Variants in WDR47 observed in about 807,000 individuals in gnomAD.
WDR47 encodes WD repeat-containing protein 47.
In WDR47, 32 loss-of-function variants were observed where a neutral mutation model predicts 97.2. The ratio of observed to expected loss-of-function variants is 0.33; its 90% CI spans 0.25 to 0.44. The LOEUF (loss-of-function observed/expected upper bound fraction) is 0.44. WDR47 is among the 20% of genes least tolerant of loss of function. The probability of loss-of-function intolerance (pLI) is 1.00; values close to 1 mark genes in which losing one functional copy is unlikely to be tolerated. For missense variants in WDR47, 782 were observed against 1,102.3 expected (o/e 0.71, Z 4.11); for synonymous variants, 375 against 373.5 (o/e 1.00, Z -0.05).
intron 13 of WDR47, among the ~76,000 whole-genome samples, chr1:108,981,055 G>A (rs1658300563): frequency 6.6e-6 from 1 of 151,244 alleles, no homozygotes; most frequent in Non-Finnish European, 1.5e-5. Flanking sequence ...GTGAACCCAG[G>A]AGGCAGAGCT....
chr1:109,005,209 C>G (rs1235219207), intron 5 of WDR47, among the ~76,000 whole-genome samples: 1 of 151,952 alleles, frequency 6.6e-6, no homozygotes, highest in African/African-American at 2.4e-5. Context: ...CAAGACCAAC[C>G]TGGGTAACAT....
intron 7 of WDR47, among the ~76,000 whole-genome samples, chr1:108,997,386 T>G (rs1571182198): frequency 6.9e-6 from 1 of 144,008 alleles, no homozygotes; most frequent in Middle Eastern, 3.7e-3. Context: ...AAGGCTGCAA[T>G]GGGCCGTGAT....
chr1:109,017,566 AG>A lies in WDR47; in HGVS notation c.193del (p.Leu65PhefsTer7). 1 of 1,612,722 alleles carries A rather than the reference AG, an allele frequency of 6.2e-7. No homozygotes were observed. The highest frequency in any genetic ancestry group is 8.5e-7 in the Non-Finnish European group (1 of 1,179,772). On this transcript the variant is annotated frameshift_variant, in exon 3 of 15. Coordinates refer to ENST00000369962, the MANE Select transcript of WDR47 (RefSeq NM_001142551.2). LOFTEE classifies it high-confidence loss of function. ...ACATTCTAGAGGCTGAATGAACTGA[AG>A]AACTTCATCCCATTGACCATCAAGT... ...LILDGQWDEVLQFIQPLECME... is the reference protein window; with the variant it reads ...LILDGQWDEVXQFIQPLECME...
chr1:109,002,952 G>A (rs965090077), intron 6 of WDR47, among the ~76,000 whole-genome samples: 12 of 152,104 alleles, frequency 7.9e-5, no homozygotes, highest in African/African-American at 2.9e-4. Context: ...ACTAAAAGTA[G>A]ATCTACCATT....
At chr1:109,033,312 C>CA (rs894588876) in intron 1 of WDR47, among the ~76,000 whole-genome samples, 3 of 151,228 alleles carry the variant, frequency 2.0e-5, no homozygotes, top group East Asian at 1.9e-4. Context: ...AAAACAAAAA[C>CA]AAAAAAAAGC....
intron 6 of WDR47, 61 bp from the exon 7 acceptor site, chr1:109,002,463 CA>C: frequency 7.9e-7 from 1 of 1,265,314 alleles, no homozygotes; most frequent in South Asian, 1.7e-5. Context: ...TATATCTTAA[CA>C]GTACCTTTTA....
At chr1:109,032,714 T>A (rs1662686347) in intron 1 of WDR47, among the ~76,000 whole-genome samples, 1 of 151,280 alleles carries the variant, frequency 6.6e-6, no homozygotes, top group African/African-American at 2.4e-5. Context: ...CTGGCCAACG[T>A]GGCAAAACCC....
intron 2 of WDR47, among the ~76,000 whole-genome samples, chr1:109,020,306 AGCTCACTGCAAGCTCACGATCTCG>A (rs1387951197): frequency 2.0e-5 from 3 of 149,724 alleles, no homozygotes; most frequent in Non-Finnish European, 4.4e-5. Flanking sequence ...GCACGATCTC[AGCTCACTGCAAGCTCACGATCTCG>A]GCTCACTGCA....
chr1:108,982,375 A>C (rs1658407915), intron 12 of WDR47, among the ~76,000 whole-genome samples: 2 of 151,988 alleles, frequency 1.3e-5, no homozygotes, highest in South Asian at 2.1e-4. Context: ...TCTACAAAAA[A>C]ATTTTAAACT....
At chr1:109,038,535 C>G (rs2102066216) in intron 1 of WDR47, among the ~76,000 whole-genome samples, 1 of 151,962 alleles carries the variant, frequency 6.6e-6, no homozygotes, top group South Asian at 2.1e-4. Context: ...AAAAATTAGC[C>G]AGGTGTGGTG....
intron 2 of WDR47, 130 bp from the exon 3 acceptor site, chr1:109,017,731 C>T (rs931242068): frequency 1.4e-6 from 1 of 736,300 alleles, no homozygotes; most frequent in Admixed American, 3.5e-5. Context: ...TATTTGATTC[C>T]TCAAATAAAT....
intron 1 of WDR47, among the ~76,000 whole-genome samples, chr1:109,038,571 C>T (rs905428554): frequency 1.3e-5 from 2 of 151,034 alleles, no homozygotes; most frequent in Admixed American, 6.6e-5. Context: ...CCTAGCTACT[C>T]GGGAGGCTGA....
At chr1:108,997,204 T>C (rs1380991353) in intron 7 of WDR47, among the ~76,000 whole-genome samples, 1 of 151,144 alleles carries the variant, frequency 6.6e-6, no homozygotes, top group Non-Finnish European at 1.5e-5. Flanking sequence ...GGCAGAAGGA[T>C]TGCTTGAGCT....
chr1:109,011,175 GTT>G lies in WDR47; in HGVS notation c.869_870del (p.Lys290ThrfsTer16). 6.2e-7 allele frequency: 1 copy of G among 1,614,168 alleles called. No homozygotes were observed. Among genetic ancestry groups the G allele is most frequent in the Non-Finnish European group, 8.5e-7 (1 of 1,180,044 alleles). ...YADLLTPLIS[K>X]LSPYPSSPMR... ...ATTGGGGATGATGGATAGGGAGAGA[GTT>G]TGCTGATAAGAGGAGTCAAAAGATC... On this transcript the variant is annotated frameshift_variant, in exon 5 of 15. Transcript: ENST00000369962. LOFTEE classifies it high-confidence loss of function.
chr1:109,012,769 T>C (rs948975090), intron 4 of WDR47, among the ~76,000 whole-genome samples: 2 of 152,062 alleles, frequency 1.3e-5, no homozygotes, highest in Admixed American at 6.6e-5. Flanking sequence ...ATCTTACATA[T>C]GGGAAAAGTC....
chr1:109,015,422 C>G (rs993151018), intron 3 of WDR47, among the ~76,000 whole-genome samples: 1 of 152,060 alleles, frequency 6.6e-6, no homozygotes, highest in Non-Finnish European at 1.5e-5. Flanking sequence ...CTCCCAGTTT[C>G]AAGTGATTCT....
intron 9 of WDR47, among the ~76,000 whole-genome samples, chr1:108,988,222 T>G (rs1221213985): frequency 3.6e-4 from 20 of 54,994 alleles, no homozygotes; most frequent in African/African-American, 7.9e-4. Flanking sequence ...GAGGGGGAGA[T>G]AGGAAGGGGG....
In WDR47 at chr1:108,983,385, A is replaced by C; in HGVS notation, c.1992T>G (p.Ile664Met). 1 of 1,612,844 alleles carries C rather than the reference A, an allele frequency of 6.2e-7. No individual in the cohort carries two copies. ...CACAAGGACTCCAGGCCACACAGTA[A>C]ATGGATCCTTTATGATGTTTATTCC... ...FKRNKHHKGS[I>M]YCVAWSPCGQ... The change falls in exon 11 of 15, where the codon ATT (isoleucine) becomes ATG (methionine). Residue 664 changes from isoleucine to methionine, a missense_variant. By Grantham distance (10) the Ile-to-Met change is conservative. This residue lies in a region of WDR47 where 228 missense variants were observed against 396.7 expected (regional missense o/e 0.57). Transcript: ENST00000369962.
intron 5 of WDR47, among the ~76,000 whole-genome samples, chr1:109,009,840 A>G (rs553472163): frequency 6.6e-6 from 1 of 152,230 alleles, no homozygotes; most frequent in South Asian, 2.1e-4. Context: ...TCTACTAAAA[A>G]TACAAAAATT....
Sources: allele counts gnomAD v4.1 joint callset (sites outside exome capture counted in the v4.1 genomes callset), GRCh38; gene constraint gnomAD v4.1.1; regional missense constraint gnomAD v4.1.1; transcripts MANE v1.5; gene names NCBI Gene and HGNC (gene_info 2026-07-23, HGNC 2026-07-21).